The following ARHGEF18 variants were observed in gnomAD, a reference collection of about 807,000 sequenced individuals.
ARHGEF18 encodes the protein Rho/Rac guanine nucleotide exchange factor 18.
A neutral mutation model predicts 155.7 loss-of-function variants in ARHGEF18; 93 were observed. That is an observed-to-expected ratio of 0.60 (90% CI 0.50 to 0.71). The LOEUF (loss-of-function observed/expected upper bound fraction) is 0.71, where lower values mean the gene tolerates loss of function less well. Ranked by LOEUF, ARHGEF18 falls within the 30% of genes least tolerant of loss-of-function variation. The pLI, the probability that ARHGEF18 is intolerant of heterozygous loss-of-function variation, is 0.00. For synonymous variants in ARHGEF18, 742 were observed against 753.1 expected, an observed-to-expected ratio of 0.99 and a Z score of 0.24; for missense variants, 1,593 against 1,816.1, an observed-to-expected ratio of 0.88 and a Z score of 2.23.
In ARHGEF18 at chr19:7,416,005, C is replaced by T. The variant is rs557958282; in HGVS notation, c.968-24339C>T. Among the ~76,000 whole-genome samples, 55 of 152,304 alleles carry T rather than the reference C, an allele frequency of 3.6e-4. 1 individual carries two copies. The South Asian group carries it at 1.0e-2, about 28-fold the overall frequency. On this transcript the variant is annotated intron_variant, in intron 10 of 28. Coordinates refer to ENST00000668164, the MANE Select transcript of ARHGEF18 (RefSeq NM_001367823.1). ...TGAGCGAGGCGACACTCCACCTTCT[C>T]GTTCAGCCTCTCACACTGTAAACAC... is the stretch of plus-strand genomic sequence containing the variant.
At chr19:7,454,126 A>G (rs1600504510) in intron 17 of ARHGEF18, among the ~76,000 whole-genome samples, 1 of 148,782 alleles carries the variant, frequency 6.7e-6, no homozygotes, top group Non-Finnish European at 1.5e-5. Context: ...TGGTGGCACC[A>G]TATTGGATTG....
At chr19:7,478,249 C>T in the ARHGEF18 span, 169 of 1,545,176 alleles carry the variant, frequency 1.1e-4, no homozygotes, top group African/African-American at 1.8e-3. Context: ...GGGGTGGCTG[C>T]GAGCCGGGAT....
intron 10 of ARHGEF18, among the ~76,000 whole-genome samples, chr19:7,437,046 G>A (rs1974304006): frequency 1.3e-5 from 2 of 152,050 alleles, no homozygotes; most frequent in Admixed American, 6.6e-5. Flanking sequence ...TGTCTTAATT[G>A]GCAAGAATTC....
At chr19:7,352,857 CAT>C (rs1203313476) in intron 1 of ARHGEF18, among the ~76,000 whole-genome samples, 1 of 3,804 alleles carries the variant, frequency 2.6e-4, no homozygotes, top group Non-Finnish European at 8.4e-4. Context: ...TTTTTTTTGA[CAT>C]AGACTCTTGC....
intron 10 of ARHGEF18, among the ~76,000 whole-genome samples, chr19:7,434,519 G>A (rs995025018): frequency 6.6e-6 from 1 of 152,124 alleles, no homozygotes; most frequent in Admixed American, 6.6e-5. Flanking sequence ...CTCACTAATC[G>A]ATCGCACCTC....
At chr19:7,373,577 G>A (rs371542631) in intron 3 of ARHGEF18, among the ~76,000 whole-genome samples, 2 of 151,390 alleles carry the variant, frequency 1.3e-5, no homozygotes, top group East Asian at 3.9e-4. Context: ...CTGGGTTCAA[G>A]CGATTCTCCT....
At position 7,469,885 on chromosome 19, in the gene ARHGEF18, A is replaced by G. The variant is rs762733312; in HGVS notation, c.3788-19A>G. The G allele has an allele frequency of 2.0e-5, 32 of 1,611,374 alleles. No individual in the cohort carries two copies. In the East Asian group the frequency reaches 5.8e-4, roughly 29 times the overall value. On this transcript the variant is annotated intron_variant, in intron 27 of 28. Coordinates refer to ENST00000668164, the MANE Select transcript of ARHGEF18 (RefSeq NM_001367823.1). ...AGCTGGCCAGCCTGGAGCTGGCCCA[A>G]ATACCTTCTCTCTTCCAGCGTCCTT...
At chr19:7,356,623 C>T (rs980613793) in intron 1 of ARHGEF18, among the ~76,000 whole-genome samples, 1 of 152,112 alleles carries the variant, frequency 6.6e-6, no homozygotes, top group Non-Finnish European at 1.5e-5. Flanking sequence ...TGAAGATAAC[C>T]AGATGATGTC....
At chr19:7,439,912 A>G in intron 10 of ARHGEF18, 1 of 1,469,112 alleles carries the variant, frequency 6.8e-7, no homozygotes, top group Non-Finnish European at 9.0e-7. Flanking sequence ...ATTCTATCAA[A>G]GCAGCAAATA....
At position 7,376,055 on chromosome 19, in the gene ARHGEF18, G is replaced by T. The variant is rs1450697463; in HGVS notation, c.426+185G>T. Reference sequence around the variant, plus strand: ...TCTGGGTCCTAGGATTCCAGCCTAGGCCTGAAGGGATTTCCCTGGGTAAGC... The same window carrying T: ...TCTGGGTCCTAGGATTCCAGCCTAGTCCTGAAGGGATTTCCCTGGGTAAGC... On this transcript the variant is annotated intron_variant, in intron 4 of 28. Coordinates refer to ENST00000668164, the MANE Select transcript of ARHGEF18 (RefSeq NM_001367823.1). 2.0e-5 allele frequency among the ~76,000 whole-genome samples: 3 copies of T among 152,230 alleles called. No individual in the cohort carries two copies. In the East Asian group the frequency reaches 5.8e-4, roughly 29 times the overall value.
chr19:7,363,602 AGATG>A (rs1183940582), intron 2 of ARHGEF18, among the ~76,000 whole-genome samples: 3 of 151,820 alleles, frequency 2.0e-5, no homozygotes, highest in Admixed American at 6.6e-5. Flanking sequence ...GAAGGAAGGA[AGATG>A]GATGGATGAA....
rs929659853 is a variant in ARHGEF18 at position 7,463,023 on chromosome 19, G to A, written c.2635+689G>A. 2.3e-4 allele frequency among the ~76,000 whole-genome samples: 35 copies of A among 151,902 alleles called. No homozygotes were observed. Among genetic ancestry groups the A allele is most frequent in the African/African-American group, 8.5e-4 (35 of 41,404 alleles). On this transcript the variant is annotated intron_variant, in intron 21 of 28. Coordinates refer to ENST00000668164, the MANE Select transcript of ARHGEF18 (RefSeq NM_001367823.1). The surrounding 1 kb of genome is among the most constrained non-coding windows in gnomAD (Gnocchi z 5.2). ...TAATTTTTGTATTTTTCGTAGAGATGGGGTTTCACCATGTTGGCCAGGCTG... is the reference window on the plus strand; with the variant it reads ...TAATTTTTGTATTTTTCGTAGAGATAGGGTTTCACCATGTTGGCCAGGCTG...
intron 15 of ARHGEF18, among the ~76,000 whole-genome samples, chr19:7,450,416 T>C (rs1472333089): frequency 6.6e-6 from 1 of 152,162 alleles, no homozygotes; most frequent in Non-Finnish European, 1.5e-5. Context: ...TCCAAGATGT[T>C]AATGCGGGAT....
intron 10 of ARHGEF18, among the ~76,000 whole-genome samples, chr19:7,383,807 G>C (rs1970860028): frequency 7.5e-6 from 1 of 132,940 alleles, no homozygotes; most frequent in South Asian, 2.7e-4. Flanking sequence ...AAGTGGGGGA[G>C]TAGGATTGCA....
chr19:7,469,251 A>AG (rs2145920447), intron 27 of ARHGEF18, 120 bp downstream of exon 27: 2 of 1,258,702 alleles, frequency 1.6e-6, no homozygotes, highest in African/African-American at 3.0e-5. Flanking sequence ...GAAAACCAGA[A>AG]GGCACAGCTG....
chr19:7,394,164 C>T (rs2432108), intron 10 of ARHGEF18, among the ~76,000 whole-genome samples: 29,868 of 149,480 alleles, frequency 0.2, 3,635 homozygotes, highest in Non-Finnish European at 0.26. Flanking sequence ...CATAGCTCAC[C>T]GCAGCCTGGA....
At chr19:7,410,395 T>C (rs189094443) in intron 10 of ARHGEF18, among the ~76,000 whole-genome samples, 2,350 of 151,804 alleles carry the variant, frequency 0.015, 34 homozygotes, top group Middle Eastern at 0.024. Context: ...TATATATATA[T>C]ACACACACAC....
chr19:7,459,578 A>G (rs1160719326), intron 19 of ARHGEF18, among the ~76,000 whole-genome samples: 1 of 152,066 alleles, frequency 6.6e-6, no homozygotes, highest in Admixed American at 6.5e-5. Context: ...AGACTCCCCC[A>G]TCCACAGTAG....
At position 7,471,201 on chromosome 19, in the gene ARHGEF18, G is replaced by T. The variant is rs980933445; in HGVS notation, c.*903G>T. The T allele has an allele frequency of 5.3e-6, 1 of 189,502 alleles. No individual in the cohort carries two copies. The highest frequency in any genetic ancestry group is 2.3e-5 in the African/African-American group (1 of 42,858). 11.7% of individuals were successfully genotyped at this position (189,502 alleles called of 1,614,324 possible). On this transcript the variant is annotated 3_prime_UTR_variant, in exon 29 of 29. Coordinates refer to ENST00000668164, the MANE Select transcript of ARHGEF18 (RefSeq NM_001367823.1). The surrounding 1 kb of genome is among the most constrained non-coding windows in gnomAD (Gnocchi z 4.4). ...GGGCTGGCGTCCCACCTTCCAGGTGGGGGCTGGCACATCACAGACTGTCGA... is the reference window on the plus strand; with the variant it reads ...GGGCTGGCGTCCCACCTTCCAGGTGTGGGCTGGCACATCACAGACTGTCGA...
Sources: allele counts gnomAD v4.1 joint callset (sites outside exome capture counted in the v4.1 genomes callset), GRCh38; gene constraint gnomAD v4.1.1; non-coding constraint Gnocchi (gnomAD v3.1); transcripts MANE v1.5; gene names NCBI Gene and HGNC (gene_info 2026-07-23, HGNC 2026-07-21).